Variants in RPS6KA5 observed in about 807,000 individuals in gnomAD.
RPS6KA5 encodes ribosomal protein S6 kinase alpha-5.
Under a neutral mutation model 85.5 loss-of-function variants are expected in RPS6KA5, and 27 were observed. That is an observed-to-expected ratio of 0.32 (90% confidence interval 0.23 to 0.44). RPS6KA5 has a LOEUF of 0.44. RPS6KA5 is among the 20% of genes least tolerant of loss of function. The pLI is 1.00. For synonymous variants in RPS6KA5, 334 were observed against 348.2 expected (o/e 0.96, Z 0.46); for missense variants, 811 against 980.9 (o/e 0.83, Z 2.31).
chr14:90,948,684 G>A (rs1185787924), intron 3 of RPS6KA5, among the ~76,000 whole-genome samples: 1 of 149,984 alleles, frequency 6.7e-6, no homozygotes, highest in African/African-American at 2.5e-5. Flanking sequence ...GAAAGAGTGA[G>A]ACTCTGTCTC....
intron 3 of RPS6KA5, among the ~76,000 whole-genome samples, chr14:90,969,828 C>T (rs1198158143): frequency 1.3e-5 from 2 of 152,110 alleles, no homozygotes; most frequent in Non-Finnish European, 2.9e-5. Flanking sequence ...TTCCCACATG[C>T]CCCCTATGAT....
intron 1 of RPS6KA5, among the ~76,000 whole-genome samples, chr14:91,049,153 T>C (rs1418354345): frequency 2.6e-5 from 4 of 152,202 alleles, no homozygotes; most frequent in Admixed American, 6.5e-5. Flanking sequence ...CTAAAATTCA[T>C]GGTAGAAAGT....
At chr14:91,018,128 C>T (rs768885663) in intron 1 of RPS6KA5, among the ~76,000 whole-genome samples, 1 of 152,130 alleles carries the variant, frequency 6.6e-6, no homozygotes, top group African/African-American at 2.4e-5. Flanking sequence ...AGGTAAAAAA[C>T]CACAAACATC....
chr14:90,884,105 T>C (rs993742831), intron 14 of RPS6KA5, among the ~76,000 whole-genome samples: 1 of 152,178 alleles, frequency 6.6e-6, no homozygotes, highest in Non-Finnish European at 1.5e-5. Flanking sequence ...ACTGCCCTCT[T>C]TGCACCTCTA....
intron 3 of RPS6KA5, among the ~76,000 whole-genome samples, chr14:90,969,708 C>G (rs2039234275): frequency 6.6e-6 from 1 of 152,184 alleles, no homozygotes; most frequent in South Asian, 2.1e-4. Flanking sequence ...CAGTAATACT[C>G]TGGCTGACCT....
chr14:90,989,332 C>T (rs748422479), intron 2 of RPS6KA5, among the ~76,000 whole-genome samples: 16 of 152,124 alleles, frequency 1.1e-4, no homozygotes, highest in East Asian at 1.9e-4. Flanking sequence ...ACGTCATCCT[C>T]GATACTCAAG....
chr14:90,987,663 C>A (rs931575272), intron 2 of RPS6KA5, among the ~76,000 whole-genome samples: 5 of 152,112 alleles, frequency 3.3e-5, no homozygotes, highest in African/African-American at 1.2e-4. Context: ...AGCAAACTTA[C>A]AAGATCTGCT....
chr14:91,017,398 C>A (rs2041550105), intron 1 of RPS6KA5, among the ~76,000 whole-genome samples: 1 of 152,240 alleles, frequency 6.6e-6, no homozygotes, highest in Non-Finnish European at 1.5e-5. Flanking sequence ...ATATTCCACA[C>A]AGCATTGCCT....
At chr14:90,956,003 C>A (rs1286099) in intron 3 of RPS6KA5, among the ~76,000 whole-genome samples, 121,386 of 152,106 alleles carry the variant, frequency 0.8, 48,711 homozygotes, top group East Asian at 0.97. Context: ...ACAATACAAC[C>A]ATAGAAAATA....
chr14:90,908,423 C>A (rs1380769892), intron 7 of RPS6KA5, among the ~76,000 whole-genome samples: 1 of 152,184 alleles, frequency 6.6e-6, no homozygotes, highest in African/African-American at 2.4e-5. Flanking sequence ...TGGCCAGAAG[C>A]AGCAGCAGGA....
intron 1 of RPS6KA5, among the ~76,000 whole-genome samples, chr14:91,046,627 C>T (rs2042885573): frequency 6.6e-6 from 1 of 152,160 alleles, no homozygotes; most frequent in Admixed American, 6.5e-5. Flanking sequence ...CAGAGTGCTT[C>T]AGTTGACTGA....
chr14:90,914,692 T>C lies in RPS6KA5; in HGVS notation c.806+5514A>G, dbSNP rs74083896. Among the ~76,000 whole-genome samples the C allele has an allele frequency of 8.0e-3, 1,220 of 152,270 alleles. 10 individuals are homozygous for C. Among genetic ancestry groups the C allele is most frequent in the African/African-American group, 0.028 (1,146 of 41,530 alleles). ...CCTCAGAGCAATTAATAACAAAGTATGATTCACCCCAACAGGTTGTAGAGT... is the reference window on the plus strand; with the variant it reads ...CCTCAGAGCAATTAATAACAAAGTACGATTCACCCCAACAGGTTGTAGAGT... On this transcript the variant is annotated intron_variant, in intron 7 of 16. Transcript: ENST00000614987.
At chr14:91,056,016 G>C (rs2139971318) in intron 1 of RPS6KA5, among the ~76,000 whole-genome samples, 1 of 152,154 alleles carries the variant, frequency 6.6e-6, no homozygotes, top group East Asian at 1.9e-4. Context: ...ACTTCATGAG[G>C]GTCCCTGAGT....
chr14:91,017,689 GA>G (rs1057049501), intron 1 of RPS6KA5, among the ~76,000 whole-genome samples: 41 of 152,332 alleles, frequency 2.7e-4, no homozygotes, highest in African/African-American at 9.6e-4. Context: ...GTGGAAATTT[GA>G]GTGGCACCAC....
intron 2 of RPS6KA5, among the ~76,000 whole-genome samples, chr14:90,996,459 T>G (rs1031674695): frequency 6.6e-6 from 1 of 152,234 alleles, no homozygotes; most frequent in Non-Finnish European, 1.5e-5. Context: ...TTGAAAGTTC[T>G]GTAGATGCTA....
intron 3 of RPS6KA5, among the ~76,000 whole-genome samples, chr14:90,973,126 A>G (rs1447375264): frequency 3.3e-5 from 5 of 152,210 alleles, no homozygotes; most frequent in African/African-American, 1.2e-4. Context: ...CTTCTATGGA[A>G]GTGTATTTGG....
intron 2 of RPS6KA5, among the ~76,000 whole-genome samples, chr14:90,984,983 C>T (rs1052615674): frequency 6.6e-6 from 1 of 151,890 alleles, no homozygotes; most frequent in Non-Finnish European, 1.5e-5. Context: ...TCCTGTTGCC[C>T]AGGCTGGAGT....
intron 5 of RPS6KA5, among the ~76,000 whole-genome samples, chr14:90,926,482 G>A (rs1432518062): frequency 6.6e-6 from 1 of 151,756 alleles, no homozygotes; most frequent in Admixed American, 6.6e-5. Context: ...AAAGTCCTAA[G>A]CAGATTAAAT....
intron 5 of RPS6KA5, among the ~76,000 whole-genome samples, chr14:90,925,054 T>C (rs2140302256): frequency 6.6e-6 from 1 of 152,286 alleles, no homozygotes; most frequent in Non-Finnish European, 1.5e-5. Context: ...GACTGATTTT[T>C]AAAAAGGATT....
Sources: gnomAD v4.1 joint callset for allele counts (sites outside exome capture counted in the v4.1 genomes callset) on GRCh38, gnomAD v4.1.1 for gene constraint, MANE v1.5 for transcripts, NCBI Gene and HGNC (gene_info 2026-07-23, HGNC 2026-07-21) for gene names.